Variants in FGGY observed in about 807,000 individuals in gnomAD.
FGGY encodes the protein FGGY carbohydrate kinase domain-containing protein.
FGGY carries 72 observed loss-of-function variants against 71.3 expected under a neutral mutation model. That is an observed-to-expected ratio of 1.01 (90% CI 0.84 to 1.23). The LOEUF is 1.23. Among genes scored for constraint, FGGY ranks in the 50% most tolerant of loss-of-function variants. FGGY has a pLI of 0.00. For synonymous variants in FGGY, 251 were observed against 250.3 expected, an observed-to-expected ratio of 1.00 and a Z score of -0.02; for missense variants, 668 against 682.3, an observed-to-expected ratio of 0.98 and a Z score of 0.23.
intron 8 of FGGY, among the ~76,000 whole-genome samples, chr1:59,583,224 T>C (rs1443142033): frequency 7.0e-6 from 1 of 143,436 alleles, no homozygotes; most frequent in Non-Finnish European, 1.5e-5. Context: ...GAATCAAAGC[T>C]TCAATGAATG....
chr1:59,648,955 G>A (rs1028365525), intron 11 of FGGY, among the ~76,000 whole-genome samples: 7 of 151,452 alleles, frequency 4.6e-5, no homozygotes, highest in Non-Finnish European at 1.0e-4. Flanking sequence ...TCCAGTTTCA[G>A]CTTCCTACAT....
intron 8 of FGGY, among the ~76,000 whole-genome samples, chr1:59,562,348 A>G (rs1334441123): frequency 6.6e-6 from 1 of 152,224 alleles, no homozygotes; most frequent in African/African-American, 2.4e-5. Context: ...ATCACACAAA[A>G]TAATTATGCT....
At chr1:59,447,916 C>G (rs1174298698) in intron 5 of FGGY, among the ~76,000 whole-genome samples, 1 of 152,020 alleles carries the variant, frequency 6.6e-6, no homozygotes, top group Non-Finnish European at 1.5e-5. Flanking sequence ...GAAGTAGTAC[C>G]CTGGTTGCTA....
chr1:59,701,223 G>C (rs1166663825), intron 14 of FGGY, among the ~76,000 whole-genome samples: 1 of 152,152 alleles, frequency 6.6e-6, no homozygotes, highest in Non-Finnish European at 1.5e-5. Context: ...ATCTTGCAAA[G>C]TCAGTTAAGA....
intron 1 of FGGY, among the ~76,000 whole-genome samples, chr1:59,312,829 G>C (rs552346487): frequency 4.6e-5 from 7 of 152,340 alleles, no homozygotes; most frequent in African/African-American, 1.7e-4. Flanking sequence ...AACTGGCTCA[G>C]TTTGGATTCT....
chr1:59,378,713 C>T (rs1409418361), intron 4 of FGGY, 36 bp from the exon 5 acceptor site: 6 of 1,569,436 alleles, frequency 3.8e-6, no homozygotes, highest in Non-Finnish European at 4.4e-6. Context: ...GTAGAAAAAC[C>T]CCCTAATTGA....
In FGGY at chr1:59,577,020, T is replaced by A. The variant is rs569586042; in HGVS notation, c.903+22793T>A. Among the ~76,000 whole-genome samples the A allele has an allele frequency of 3.3e-5, 5 of 152,324 alleles. No homozygotes were observed. The East Asian group carries it at 9.6e-4, about 29-fold the overall frequency. ...ATGGATGGATGAACGATAGTTAATA[T>A]CTGTTTCATTCTCAAAGCTAGCAAA... On this transcript the variant is annotated intron_variant, in intron 8 of 15. Coordinates refer to ENST00000303721, the MANE Select transcript of FGGY (RefSeq NM_018291.5).
At chr1:59,379,658 A>G (rs11207442) in intron 5 of FGGY, among the ~76,000 whole-genome samples, 32,553 of 152,036 alleles carry the variant, frequency 0.21, 3,598 homozygotes, top group East Asian at 0.36. Flanking sequence ...TTTAATAATT[A>G]TCCTTTGCTT....
At chr1:59,385,032 T>A (rs1311360774) in intron 5 of FGGY, among the ~76,000 whole-genome samples, 1 of 152,172 alleles carries the variant, frequency 6.6e-6, no homozygotes, top group African/African-American at 2.4e-5. Context: ...GGGTCTTTTT[T>A]AAAAATACGT....
intron 6 of FGGY, among the ~76,000 whole-genome samples, chr1:59,460,674 A>C (rs2092116711): frequency 6.6e-6 from 1 of 152,194 alleles, no homozygotes; most frequent in Non-Finnish European, 1.5e-5. Flanking sequence ...CATCTCATAC[A>C]GCTGGGTGCC....
At chr1:59,637,922 T>C (rs2096977982) in intron 10 of FGGY, among the ~76,000 whole-genome samples, 1 of 152,232 alleles carries the variant, frequency 6.6e-6, no homozygotes, top group Non-Finnish European at 1.5e-5. Flanking sequence ...GATTATGATA[T>C]CTGTTTTTAC....
chr1:59,349,791 G>T (rs1420232195), intron 4 of FGGY, among the ~76,000 whole-genome samples: 1 of 152,152 alleles, frequency 6.6e-6, no homozygotes, highest in East Asian at 1.9e-4. Context: ...CTTAAAGCCT[G>T]ACCAGGAGGG....
intron 14 of FGGY, among the ~76,000 whole-genome samples, chr1:59,684,154 A>G (rs965079362): frequency 2.6e-5 from 4 of 152,200 alleles, no homozygotes; most frequent in Admixed American, 6.5e-5. Flanking sequence ...GTCGGTACCC[A>G]AGGAATTCCC....
intron 13 of FGGY, among the ~76,000 whole-genome samples, chr1:59,670,966 T>C (rs536307906): frequency 2.0e-5 from 3 of 152,352 alleles, no homozygotes; most frequent in East Asian, 3.9e-4. Flanking sequence ...AGTTTTATTT[T>C]TTAGTACTGG....
At chr1:59,316,631 TA>T (rs2045502763) in intron 1 of FGGY, among the ~76,000 whole-genome samples, 2 of 152,190 alleles carry the variant, frequency 1.3e-5, no homozygotes, top group African/African-American at 2.4e-5. Context: ...ACAATATTTA[TA>T]CAGGCTATTA....
At chr1:59,557,340 T>C (rs920670172) in intron 8 of FGGY, among the ~76,000 whole-genome samples, 108 of 152,210 alleles carry the variant, frequency 7.1e-4, no homozygotes, top group African/African-American at 2.3e-3. Context: ...TTTAGTAGAT[T>C]GAGACAAAAT....
At chr1:59,369,889 A>C (rs1209093017) in intron 4 of FGGY, among the ~76,000 whole-genome samples, 7 of 152,208 alleles carry the variant, frequency 4.6e-5, no homozygotes, top group Non-Finnish European at 7.3e-5. Context: ...AACAGAAAGG[A>C]CATCCACACC....
At chr1:59,617,851 A>G (rs1371804509) in intron 9 of FGGY, among the ~76,000 whole-genome samples, 1 of 152,062 alleles carries the variant, frequency 6.6e-6, no homozygotes, top group East Asian at 1.9e-4. Flanking sequence ...TCACAATGCA[A>G]CAAGTTACTA....
rs990257427 is a variant in FGGY, at chr1:59,584,472, C to G, written c.904-23331C>G. Reference sequence around the variant, plus strand: ...AGGCCTTTGACAAAATTCAACAACGCTTCATGCTAAAAACTCTCAATAAAT... The same window carrying G: ...AGGCCTTTGACAAAATTCAACAACGGTTCATGCTAAAAACTCTCAATAAAT... On this transcript the variant is annotated intron_variant, in intron 8 of 15. Transcript: ENST00000303721. Among the ~76,000 whole-genome samples the G allele has an allele frequency of 6.0e-4, 90 of 149,994 alleles. 10 individuals carry two copies. The highest frequency in any genetic ancestry group is 2.3e-3 in the African/African-American group (90 of 39,752).
Sources: allele counts gnomAD v4.1 joint callset (sites outside exome capture counted in the v4.1 genomes callset), GRCh38; gene constraint gnomAD v4.1.1; transcripts MANE v1.5; gene names NCBI Gene and HGNC (gene_info 2026-07-23, HGNC 2026-07-21).